INSC: variants seen among roughly 807,000 people sequenced by gnomAD.
INSC encodes INSC spindle orientation adaptor protein, also known as protein inscuteable homolog.
In INSC, 67 loss-of-function variants were observed where a neutral mutation model predicts 58.6. The ratio of observed to expected loss-of-function variants is 1.14; its 90% CI spans 0.94 to 1.40. The LOEUF (loss-of-function observed/expected upper bound fraction) is 1.40. Ranked by LOEUF, INSC falls within the 40% of genes most tolerant of loss-of-function variation. The pLI is 0.00. For synonymous variants in INSC, 262 were observed against 276.1 expected, an observed-to-expected ratio of 0.95 and a Z score of 0.51; for missense variants, 714 against 692.0, an observed-to-expected ratio of 1.03 and a Z score of -0.36.
chr11:15,249,991 C>A (rs1045193929), downstream of INSC, among the ~76,000 whole-genome samples: 2 of 152,132 alleles, frequency 1.3e-5, no homozygotes, highest in Non-Finnish European at 2.9e-5. Flanking sequence ...ATTTTCTTGG[C>A]CTAAAGCATA....
intron 12 of INSC, among the ~76,000 whole-genome samples, chr11:15,244,091 T>G (rs1852468667): frequency 6.6e-6 from 1 of 152,208 alleles, no homozygotes; most frequent in Non-Finnish European, 1.5e-5. Context: ...TTGTCTCCCT[T>G]CTTGCTTTAT....
intron 2 of INSC, among the ~76,000 whole-genome samples, chr11:15,158,860 GTTTTTTTTT>G (rs529518368): frequency 1.5e-4 from 16 of 109,676 alleles, no homozygotes; most frequent in South Asian, 6.4e-4. Flanking sequence ...ATTGTTGGTG[GTTTTTTTTT>G]TTTTTTTTTT....
downstream of INSC, among the ~76,000 whole-genome samples, chr11:15,248,901 G>A (rs1852620833): frequency 6.6e-6 from 1 of 152,192 alleles, no homozygotes. Context: ...GAGTCACCCA[G>A]AGACTAACCA....
intron 1 of INSC, among the ~76,000 whole-genome samples, chr11:15,128,673 G>A (rs1234690623): frequency 6.6e-6 from 1 of 152,234 alleles, no homozygotes; most frequent in African/African-American, 2.4e-5. Context: ...ATCAGGATGA[G>A]AGAACCTGCC....
the INSC span, among the ~76,000 whole-genome samples, chr11:15,255,925 T>C: frequency 6.6e-6 from 1 of 152,218 alleles, no homozygotes; most frequent in Non-Finnish European, 1.5e-5. Flanking sequence ...TCAGTTTGCC[T>C]ATGTGGTTAA....
chr11:15,187,878 AT>A, intron 5 of INSC, among the ~76,000 whole-genome samples: 3 of 152,280 alleles, frequency 2.0e-5, no homozygotes, highest in Middle Eastern at 3.4e-3. Context: ...CCTGAAAAAA[AT>A]CACCTTGATT....
At chr11:15,223,606 A>G (rs915864756) in intron 8 of INSC, among the ~76,000 whole-genome samples, 3 of 152,242 alleles carry the variant, frequency 2.0e-5, no homozygotes, top group Non-Finnish European at 4.4e-5. Context: ...CTGTGTCGGC[A>G]GCAATAGCAA....
At chr11:15,157,668 G>A (rs1383890575) in intron 2 of INSC, among the ~76,000 whole-genome samples, 2 of 152,220 alleles carry the variant, frequency 1.3e-5, no homozygotes, top group African/African-American at 4.8e-5. Flanking sequence ...ATTATGGGAT[G>A]TTCAGCACTA....
chr11:15,230,684 C>G (rs1339851816), intron 9 of INSC, among the ~76,000 whole-genome samples: 3 of 152,208 alleles, frequency 2.0e-5, no homozygotes, highest in Non-Finnish European at 4.4e-5. Flanking sequence ...AAGGGCAAAC[C>G]AAGCACAGAG....
intron 8 of INSC, among the ~76,000 whole-genome samples, chr11:15,224,449 TAGACTGTCTGGAGGCA>T (rs1184543346): frequency 6.6e-6 from 1 of 152,208 alleles, no homozygotes; most frequent in Non-Finnish European, 1.5e-5. Flanking sequence ...CCTGGAAGTA[TAGACTGTCTGGAGGCA>T]AGAACTAGGG....
chr11:15,119,546 T>G (rs1017210813), intron 1 of INSC, among the ~76,000 whole-genome samples: 17 of 152,216 alleles, frequency 1.1e-4, no homozygotes, highest in Non-Finnish European at 2.2e-4. Context: ...GCAGTTTGGC[T>G]GGGTAGTTGT....
chr11:15,143,792 TC>T (rs1848428720), intron 1 of INSC, among the ~76,000 whole-genome samples: 1 of 151,994 alleles, frequency 6.6e-6, no homozygotes, highest in African/African-American at 2.4e-5. Flanking sequence ...AAGGGATGTA[TC>T]CAGGATAAGT....
At chr11:15,192,874 C>T (rs1850230097) in intron 6 of INSC, among the ~76,000 whole-genome samples, 1 of 152,192 alleles carries the variant, frequency 6.6e-6, no homozygotes. Context: ...TATACTCAGA[C>T]TAGATTCATA....
chr11:15,135,166 G>A (rs1359012466), intron 1 of INSC, among the ~76,000 whole-genome samples: 1 of 152,140 alleles, frequency 6.6e-6, no homozygotes, highest in East Asian at 1.9e-4. Context: ...CCAATGCATA[G>A]AATTGTGGAA....
At chr11:15,146,562 A>G (rs1238760483) in intron 1 of INSC, among the ~76,000 whole-genome samples, 1 of 152,174 alleles carries the variant, frequency 6.6e-6, no homozygotes, top group Non-Finnish European at 1.5e-5. Flanking sequence ...AAGATGAATG[A>G]TGGCACCTCA....
chr11:15,194,715 T>C (rs1467152741), intron 6 of INSC, among the ~76,000 whole-genome samples: 1 of 152,140 alleles, frequency 6.6e-6, no homozygotes, highest in Non-Finnish European at 1.5e-5. Flanking sequence ...GTTGAGGAAA[T>C]GGTTTAAGGA....
the INSC span, among the ~76,000 whole-genome samples, chr11:15,252,390 G>T: frequency 6.6e-6 from 1 of 152,344 alleles, no homozygotes; most frequent in Admixed American, 6.5e-5. Context: ...AGTTAAAACT[G>T]TTACTTTAAA....
intron 2 of INSC, among the ~76,000 whole-genome samples, chr11:15,159,462 G>A (rs1279475803): frequency 6.6e-6 from 1 of 152,156 alleles, no homozygotes; most frequent in Non-Finnish European, 1.5e-5. Flanking sequence ...AAAAAACAAA[G>A]CTAAACCATT....
chr11:15,129,090 C>A (rs1446330388), intron 1 of INSC, among the ~76,000 whole-genome samples: 1 of 152,192 alleles, frequency 6.6e-6, no homozygotes, highest in Non-Finnish European at 1.5e-5. Flanking sequence ...CAAGAAGGAG[C>A]TCTCCCCTCA....
Sources: gnomAD v4.1 joint callset for allele counts (sites outside exome capture counted in the v4.1 genomes callset) on GRCh38, gnomAD v4.1.1 for gene constraint, MANE v1.5 for transcripts, NCBI Gene and HGNC (gene_info 2026-07-23, HGNC 2026-07-21) for gene names.